Variants in RYR3 observed in about 807,000 individuals in gnomAD.
RYR3 encodes the protein ryanodine receptor 3.
A neutral mutation model predicts 584.3 loss-of-function variants in RYR3; 207 were observed. That is an observed-to-expected ratio of 0.35 (90% CI 0.32 to 0.40). RYR3 has a LOEUF of 0.40. Among genes scored for constraint, RYR3 ranks in the 10% least tolerant of loss-of-function variants. The pLI is 1.00. For synonymous variants in RYR3, 2,416 were observed against 2,248.5 expected, an observed-to-expected ratio of 1.07 and a Z score of -2.11; for missense variants, 5,616 against 6,089.2, an observed-to-expected ratio of 0.92 and a Z score of 2.59.
At chr15:33,425,818 A>AT (rs780527667) in intron 1 of RYR3, among the ~76,000 whole-genome samples, 3 of 151,446 alleles carry the variant, frequency 2.0e-5, no homozygotes, top group South Asian at 2.1e-4. Flanking sequence ...ATTTTTTTGT[A>AT]TTTTTAGTAG....
intron 43 of RYR3, among the ~76,000 whole-genome samples, chr15:33,720,757 T>C (rs1292222290): frequency 6.6e-6 from 1 of 152,034 alleles, no homozygotes; most frequent in East Asian, 1.9e-4. Flanking sequence ...GCCTGTAGTC[T>C]CAGCTACTCA....
At chr15:33,675,532 G>A (rs2064122959) in intron 38 of RYR3, among the ~76,000 whole-genome samples, 1 of 152,218 alleles carries the variant, frequency 6.6e-6, no homozygotes, top group Non-Finnish European at 1.5e-5. Flanking sequence ...GGGCTCCGGA[G>A]TTAGGCTACC....
chr15:33,408,971 T>C (rs779942729), intron 1 of RYR3, among the ~76,000 whole-genome samples: 5 of 152,224 alleles, frequency 3.3e-5, no homozygotes, highest in Non-Finnish European at 5.9e-5. Flanking sequence ...GGAAGTAACA[T>C]GAAATTCACT....
chr15:33,625,269 T>C (rs1869661973), intron 20 of RYR3, among the ~76,000 whole-genome samples: 1 of 152,214 alleles, frequency 6.6e-6, no homozygotes, highest in Non-Finnish European at 1.5e-5. Flanking sequence ...ATCAAATCAC[T>C]TCCCAACAGG....
At chr15:33,627,282 A>G (rs190163599) in intron 20 of RYR3, among the ~76,000 whole-genome samples, 287 of 152,290 alleles carry the variant, frequency 1.9e-3, no homozygotes, top group Non-Finnish European at 3.6e-3. Flanking sequence ...ACATGAAAAT[A>G]ATAATAATAA....
intron 1 of RYR3, among the ~76,000 whole-genome samples, chr15:33,430,812 A>G (rs1202114039): frequency 6.6e-6 from 1 of 152,212 alleles, no homozygotes; most frequent in Non-Finnish European, 1.5e-5. Flanking sequence ...TTTCCCTTGA[A>G]GAAATTCAAG....
intron 10 of RYR3, among the ~76,000 whole-genome samples, chr15:33,561,485 C>A (rs1030769): frequency 0.68 from 103,107 of 151,956 alleles, 36,028 homozygotes; most frequent in Middle Eastern, 0.79. Context: ...TCATTTTCTC[C>A]TCTGTAAAAT....
At position 33,502,966 on chromosome 15, in the gene RYR3, A is replaced by G. The variant is rs188187050; in HGVS notation, c.172-665A>G. Among the ~76,000 whole-genome samples the G allele has an allele frequency of 2.9e-3, 449 of 152,364 alleles. 1 individual carries two copies. The highest frequency in any genetic ancestry group is 0.014 in the Middle Eastern group (4 of 294). On this transcript the variant is annotated intron_variant, in intron 2 of 103. Coordinates refer to ENST00000634891, the MANE Select transcript of RYR3 (RefSeq NM_001036.6). ...TCAATAAATATTAGCTACTGTTAGT[A>G]TGCAAAGAAGGCTATCTTTAACTGT...
chr15:33,679,154 T>TC (rs1184956963), intron 38 of RYR3, among the ~76,000 whole-genome samples: 113 of 34,522 alleles, frequency 3.3e-3, no homozygotes, highest in Non-Finnish European at 5.4e-3. Flanking sequence ...TGAGTTCCCC[T>TC]CCCCCCCGCC....
intron 23 of RYR3, among the ~76,000 whole-genome samples, chr15:33,631,808 G>A (rs995943071): frequency 6.6e-6 from 1 of 152,188 alleles, no homozygotes; most frequent in African/African-American, 2.4e-5. Flanking sequence ...ACATCCACTG[G>A]CCCCCTTGCT....
At chr15:33,765,632 CAAAAAAAA>C (rs761552773) in intron 60 of RYR3, among the ~76,000 whole-genome samples, 2 of 60,952 alleles carry the variant, frequency 3.3e-5, no homozygotes, top group South Asian at 7.4e-4. Context: ...GACTCCGTCT[CAAAAAAAA>C]AAAAAAAAAA....
At chr15:33,648,939 A>T in intron 30 of RYR3, 133 bp from the exon 31 acceptor site, 1 of 722,698 alleles carries the variant, frequency 1.4e-6, no homozygotes, top group Non-Finnish European at 2.3e-6. Context: ...GCCTACCTCT[A>T]CTAGTGTGCA....
rs751003400 is a variant in RYR3 at position 33,788,354 on chromosome 15, G to A, written c.9726G>A (p.Gly3242=). The stretch of plus-strand genomic sequence containing the variant: ...AGCAGTTGAAAGCCGATGGCAAAGG[G>A]GACACCCAGGAGGCAGAACTCCTCA... ...EEEQLKADGK[G]DTQEAELLIL... Residue 3242 remains glycine, a synonymous_variant, in exon 67 of 104, where the codon GGG becomes GGA. Coordinates refer to ENST00000634891, the MANE Select transcript of RYR3 (RefSeq NM_001036.6). The A allele has an allele frequency of 1.2e-6, 2 of 1,613,922 alleles. No individual in the cohort carries two copies. The highest frequency in any genetic ancestry group is 1.7e-5 in the Admixed American group (1 of 60,016).
At chr15:33,338,743 C>T (rs1971447334) in intron 1 of RYR3, among the ~76,000 whole-genome samples, 1 of 152,044 alleles carries the variant, frequency 6.6e-6, no homozygotes, top group Non-Finnish European at 1.5e-5. Context: ...TTTCCTTTCA[C>T]ATACATATAT....
At chr15:33,851,249 T>C (rs2079090512) in intron 94 of RYR3, 1 of 152,200 alleles carries the variant, frequency 6.6e-6, no homozygotes, top group Non-Finnish European at 1.5e-5. Context: ...CTCTAGAGTA[T>C]AGACCCAGGA....
chr15:33,393,869 G>A (rs2042147440), intron 1 of RYR3, among the ~76,000 whole-genome samples: 1 of 152,196 alleles, frequency 6.6e-6, no homozygotes, highest in South Asian at 2.1e-4. Flanking sequence ...CAAGGACTGT[G>A]TGCCAGATAC....
intron 97 of RYR3, 73 bp downstream of exon 97, chr15:33,854,522 G>A: frequency 7.6e-7 from 1 of 1,307,530 alleles, no homozygotes; most frequent in Non-Finnish European, 1.1e-6. Context: ...AAGCTATGCA[G>A]GATGCTCAGA....
chr15:33,854,636 C>G (rs1035795336), intron 97 of RYR3, 130 bp from the exon 98 acceptor site: 28 of 1,251,074 alleles, frequency 2.2e-5, no homozygotes, highest in Non-Finnish European at 3.0e-5. Flanking sequence ...AGATCTTGGG[C>G]CAGCTCACAG....
intron 27 of RYR3, among the ~76,000 whole-genome samples, chr15:33,643,405 C>G (rs1225891454): frequency 6.6e-6 from 1 of 152,150 alleles, no homozygotes; most frequent in African/African-American, 2.4e-5. Context: ...GAACACCAAA[C>G]AATTTGAACT....
Sources: allele counts gnomAD v4.1 joint callset (sites outside exome capture counted in the v4.1 genomes callset), GRCh38; gene constraint gnomAD v4.1.1; transcripts MANE v1.5; gene names NCBI Gene and HGNC (gene_info 2026-07-23, HGNC 2026-07-21).